SEMA3D: variants seen among roughly 807,000 people sequenced by gnomAD.
SEMA3D encodes semaphorin-3D.
In SEMA3D, 84 loss-of-function variants were observed where a neutral mutation model predicts 100.1. The ratio of observed to expected loss-of-function variants is 0.84; its 90% CI spans 0.70 to 1.01. SEMA3D has a LOEUF of 1.01. Ranked by LOEUF, SEMA3D falls within the 50% of genes least tolerant of loss-of-function variation. The probability of loss-of-function intolerance (pLI) is 0.00; values close to 1 mark genes in which losing one functional copy is unlikely to be tolerated. For missense variants in SEMA3D, 875 were observed against 934.1 expected, an observed-to-expected ratio of 0.94 and a Z score of 0.82; for synonymous variants, 312 against 320.7, an observed-to-expected ratio of 0.97 and a Z score of 0.29.
chr7:85,193,188 T>C, the SEMA3D span, among the ~76,000 whole-genome samples: 1 of 152,094 alleles, frequency 6.6e-6, no homozygotes, highest in Admixed American at 6.5e-5. Flanking sequence ...GGACACAGAA[T>C]CACAATTTAC....
chr7:84,997,827 G>A lies in SEMA3D; in HGVS notation c.*1613C>T, dbSNP rs768586179. 6.6e-6 allele frequency: 1 copy of A among 152,370 alleles called. No individual in the cohort carries two copies. Among genetic ancestry groups the A allele is most frequent in the Admixed American group, 6.6e-5 (1 of 15,254 alleles). 9.4% of individuals were successfully genotyped at this position (152,370 alleles called of 1,614,324 possible). A position where few individuals can be genotyped will look rare whatever the true frequency, so the allele number is the denominator to read the frequency against. The stretch of plus-strand genomic sequence containing the variant: ...TTTTTCATTTCACACTATAAAGGGC[G>A]TGAAAAGGCAAAACAGAAGAAGGCT... On this transcript the variant is annotated 3_prime_UTR_variant, in exon 19 of 19. Transcript: ENST00000284136.
the SEMA3D span, among the ~76,000 whole-genome samples, chr7:85,198,481 T>A: frequency 6.6e-6 from 1 of 152,060 alleles, no homozygotes; most frequent in East Asian, 1.9e-4. Flanking sequence ...GTTTTAAAGG[T>A]TTGGTGAAAA....
At chr7:85,140,786 G>T in intron 2 of SEMA3D, 1 of 961,102 alleles carries the variant, frequency 1.0e-6, no homozygotes, top group South Asian at 4.8e-5. Flanking sequence ...TTTTGCTGCT[G>T]CTTAATTATT....
chr7:85,146,181 G>C (rs879513907), intron 2 of SEMA3D, among the ~76,000 whole-genome samples: 2 of 152,100 alleles, frequency 1.3e-5, no homozygotes, highest in African/African-American at 2.4e-5. Context: ...ACATCTTACA[G>C]TTCTTTAATG....
the SEMA3D span, among the ~76,000 whole-genome samples, chr7:85,237,479 A>G: frequency 3.3e-5 from 5 of 152,288 alleles, no homozygotes; most frequent in African/African-American, 9.6e-5. Context: ...GCAACCACTA[A>G]TATTGTCATC....
intron 1 of SEMA3D, among the ~76,000 whole-genome samples, chr7:85,172,009 GAGACACACATACATATAT>G (rs1791097462): frequency 1.3e-5 from 2 of 151,508 alleles, no homozygotes; most frequent in African/African-American, 4.8e-5. Context: ...TATATAGAGA[GAGACACACATACATATAT>G]AGACACACAT....
chr7:85,072,890 T>A (rs1170743949), intron 6 of SEMA3D, 72 bp downstream of exon 6: 12 of 1,289,422 alleles, frequency 9.3e-6, no homozygotes, highest in African/African-American at 1.5e-5. Flanking sequence ...AATCTGCCTG[T>A]TTTATGTCAT....
chr7:85,091,233 A>T (rs1419892417), intron 4 of SEMA3D, among the ~76,000 whole-genome samples: 1 of 151,858 alleles, frequency 6.6e-6, no homozygotes, highest in Non-Finnish European at 1.5e-5. Context: ...GGAGAAAGAG[A>T]GAAAGAAAGC....
intron 4 of SEMA3D, among the ~76,000 whole-genome samples, chr7:85,084,164 T>A (rs1365711160): frequency 6.6e-6 from 1 of 151,748 alleles, no homozygotes; most frequent in Non-Finnish European, 1.5e-5. Context: ...AAAAAAAAAA[T>A]TGCATCTTGA....
At position 84,996,623 on chromosome 7, in the gene SEMA3D, T is replaced by C. The variant is rs1217517297; in HGVS notation, c.*2817A>G. ...AAATTTACAATAAGTTGAATGTAAA[T>C]GAATGCAGACATGCGGGATTCTATT... On this transcript the variant is annotated 3_prime_UTR_variant, in exon 19 of 19. Transcript: ENST00000284136. The C allele has an allele frequency of 1.3e-5, 2 of 152,404 alleles. No homozygotes were observed. The highest frequency in any genetic ancestry group is 2.9e-5 in the Non-Finnish European group (2 of 67,906). The allele number at this position is 152,404 out of a possible 1,614,324, so 9.4% of individuals were successfully genotyped here. A position where few individuals can be genotyped will look rare whatever the true frequency, so the allele number is the denominator to read the frequency against.
rs559991089 is a variant in SEMA3D at position 85,126,482 on chromosome 7, A to T, written c.-40-4551T>A. ...AAAGAACCCCTGATTTTTTAATTTTATAAAGAGCTCTTTGTTCTTTATACC... is the reference window on the plus strand; with the variant it reads ...AAAGAACCCCTGATTTTTTAATTTTTTAAAGAGCTCTTTGTTCTTTATACC... On this transcript the variant is annotated intron_variant, in intron 2 of 18. Transcript: ENST00000284136. Among the ~76,000 whole-genome samples, 52 of 151,574 alleles carry T rather than the reference A, an allele frequency of 3.4e-4. No homozygotes were observed. The South Asian group carries it at 0.01, about 29-fold the overall frequency.
At chr7:85,112,486 G>T (rs892438168) in intron 3 of SEMA3D, among the ~76,000 whole-genome samples, 1 of 152,056 alleles carries the variant, frequency 6.6e-6, no homozygotes, top group African/African-American at 2.4e-5. Flanking sequence ...GTAAAACCTT[G>T]TTATTTTTTA....
intron 5 of SEMA3D, among the ~76,000 whole-genome samples, chr7:85,080,999 G>A (rs528070684): frequency 6.6e-6 from 1 of 151,940 alleles, no homozygotes; most frequent in African/African-American, 2.4e-5. Context: ...TAGTTCTTAC[G>A]CCAGAATGCT....
At chr7:85,182,347 G>T (rs185932871) in intron 1 of SEMA3D, among the ~76,000 whole-genome samples, 359 of 152,030 alleles carry the variant, frequency 2.4e-3, no homozygotes, top group Admixed American at 3.8e-3. Flanking sequence ...AACACTTTTT[G>T]CTAAAATCTC....
At chr7:85,140,485 T>C in intron 2 of SEMA3D, 1 of 983,112 alleles carries the variant, frequency 1.0e-6, no homozygotes, top group East Asian at 1.1e-4. Context: ...CAGGATCACT[T>C]ACATTAAAAA....
chr7:85,034,346 C>A (rs1025133461), intron 12 of SEMA3D, among the ~76,000 whole-genome samples: 1 of 152,064 alleles, frequency 6.6e-6, no homozygotes, highest in Non-Finnish European at 1.5e-5. Flanking sequence ...GTGGCTCACA[C>A]CTGTAATCCC....
At chr7:85,098,086 A>C in intron 3 of SEMA3D, 121 bp from the exon 4 acceptor site, 1 of 612,060 alleles carries the variant, frequency 1.6e-6, no homozygotes, top group Non-Finnish European at 2.6e-6. Flanking sequence ...AAAAGAAAGA[A>C]AGAAAAAAGA....
chr7:85,141,750 C>G (rs1408276210), intron 2 of SEMA3D: 19 of 853,736 alleles, frequency 2.2e-5, no homozygotes, highest in Non-Finnish European at 2.5e-5. Context: ...AAACTGGGCT[C>G]TGTTTTCTCA....
chr7:85,202,393 A>C, the SEMA3D span, among the ~76,000 whole-genome samples: 1 of 151,864 alleles, frequency 6.6e-6, no homozygotes, highest in East Asian at 1.9e-4. Flanking sequence ...TGAACTCATC[A>C]TTTTTTATGG....
Sources: allele counts gnomAD v4.1 joint callset (sites outside exome capture counted in the v4.1 genomes callset), GRCh38; gene constraint gnomAD v4.1.1; transcripts MANE v1.5; gene names NCBI Gene and HGNC (gene_info 2026-07-23, HGNC 2026-07-21).